Variants in SLC5A12 observed in about 807,000 individuals in gnomAD.
The protein encoded by SLC5A12 is solute carrier family 5 member 12.
SLC5A12 carries 46 observed loss-of-function variants against 72.7 expected under a neutral mutation model. That is an observed-to-expected ratio of 0.63 (90% CI 0.50 to 0.81). The LOEUF (loss-of-function observed/expected upper bound fraction) is 0.81. Ranked by LOEUF, SLC5A12 falls within the 30% of genes least tolerant of loss-of-function variation. The pLI is 0.00. For missense variants in SLC5A12, 683 were observed against 740.7 expected, an observed-to-expected ratio of 0.92 and a Z score of 0.90; for synonymous variants, 275 against 264.4, an observed-to-expected ratio of 1.04 and a Z score of -0.39.
chr11:26,697,322 GA>G (rs1055073163), intron 7 of SLC5A12, 70 bp from the exon 8 acceptor site: 22 of 1,302,842 alleles, frequency 1.7e-5, no homozygotes, highest in East Asian at 4.9e-5. Context: ...AGAAGAGAGA[GA>G]AAAAAATAGG....
rs57129253 is a variant in SLC5A12, at chr11:26,697,272, TA to T, written c.952-21del. On this transcript the variant is annotated intron_variant, in intron 7 of 14. Transcript: ENST00000396005. Reference sequence around the variant, plus strand: ...CATCAGCTGAAGAGGAGGCAAAACATAAAAAAATAAATAAAAAGAAGAAAGA... The same window carrying T: ...CATCAGCTGAAGAGGAGGCAAAACATAAAAAATAAATAAAAAGAAGAAAGA... The T allele has an allele frequency of 8.3e-3, 12,999 of 1,564,764 alleles. 582 individuals carry two copies. The African/African-American group carries it at 0.12, about 14-fold the overall frequency.
At chr11:26,703,393 GTC>G (rs1855005457) in intron 6 of SLC5A12, 136 bp downstream of exon 6, 2 of 909,230 alleles carry the variant, frequency 2.2e-6, no homozygotes, top group South Asian at 3.9e-5. Context: ...AGTTAAGTGA[GTC>G]TCTCTGCCTC....
chr11:26,710,578 T>G (rs1855201234), intron 3 of SLC5A12, among the ~76,000 whole-genome samples: 1 of 152,104 alleles, frequency 6.6e-6, no homozygotes, highest in African/African-American at 2.4e-5. Context: ...GGTTTTGATT[T>G]GCATTTCTCT....
At chr11:26,714,616 A>C (rs1012486272) in intron 1 of SLC5A12, among the ~76,000 whole-genome samples, 1 of 152,150 alleles carries the variant, frequency 6.6e-6, no homozygotes, top group Non-Finnish European at 1.5e-5. Flanking sequence ...TTGAGGATTA[A>C]ATTTCTTGCT....
intron 10 of SLC5A12, among the ~76,000 whole-genome samples, chr11:26,685,533 G>A (rs1189598376): frequency 6.6e-5 from 10 of 151,964 alleles, no homozygotes; most frequent in Non-Finnish European, 5.9e-5. Context: ...GCTTGAACCT[G>A]GGAGGCAGAG....
At chr11:26,715,939 T>C (rs955702474) in intron 1 of SLC5A12, among the ~76,000 whole-genome samples, 6 of 152,184 alleles carry the variant, frequency 3.9e-5, no homozygotes, top group Admixed American at 2.0e-4. Flanking sequence ...ATTGTTAATC[T>C]GCAGAATTGT....
At chr11:26,709,482 A>T in intron 3 of SLC5A12, 103 bp from the exon 4 acceptor site, 1 of 811,490 alleles carries the variant, frequency 1.2e-6, no homozygotes, top group African/African-American at 1.7e-5. Flanking sequence ...TGTTCTTTGT[A>T]GGCAAAAATA....
At chr11:26,700,707 A>G (rs1854938474) in intron 6 of SLC5A12, among the ~76,000 whole-genome samples, 1 of 152,110 alleles carries the variant, frequency 6.6e-6, no homozygotes, top group African/African-American at 2.4e-5. Flanking sequence ...TGAAAGATAA[A>G]CAAGGGATTA....
intron 12 of SLC5A12, among the ~76,000 whole-genome samples, chr11:26,680,223 C>T (rs1259616479): frequency 6.8e-6 from 1 of 148,084 alleles, no homozygotes; most frequent in African/African-American, 2.5e-5. Flanking sequence ...TCTAGACTTG[C>T]TCTTACATAC....
At chr11:26,713,219 T>C (rs1164570813) in intron 1 of SLC5A12, among the ~76,000 whole-genome samples, 1 of 152,098 alleles carries the variant, frequency 6.6e-6, no homozygotes, top group East Asian at 1.9e-4. Flanking sequence ...TTCTCTATCA[T>C]TGACAAACAA....
intron 11 of SLC5A12, among the ~76,000 whole-genome samples, chr11:26,681,534 A>G (rs576042070): frequency 3.3e-5 from 5 of 152,218 alleles, no homozygotes; most frequent in African/African-American, 1.2e-4. Context: ...TGAAACCTCA[A>G]TTCTCATTAG....
Position 26,721,839 on chromosome 11 carries a change from T to C in SLC5A12, c.-125A>G, listed in dbSNP as rs1391084564. ...AGAGACTGTGATTCCCTGAAGAAAA[T>C]GATTACCAGAGGCACTCGTGTGAAT... On this transcript the variant is annotated 5_prime_UTR_variant, in exon 1 of 15. Coordinates refer to ENST00000396005, the MANE Select transcript of SLC5A12 (RefSeq NM_178498.4). The C allele has an allele frequency of 4.8e-6, 4 of 830,300 alleles. No homozygotes were observed. The highest frequency in any genetic ancestry group is 3.4e-5 in the African/African-American group (2 of 58,494). The allele number at this position is 830,300 out of a possible 1,614,324, so 51.4% of individuals were successfully genotyped here. A position where few individuals can be genotyped will look rare whatever the true frequency, so the allele number is the denominator to read the frequency against.
Position 26,671,066 on chromosome 11 carries a change from T to TGTGTG in SLC5A12, c.*35_*36insCACAC. The stretch of plus-strand genomic sequence containing the variant: ...TGGAGTTTGTGTGTGTGTGTGTGTA[T>TGTGTG]TGCACGTGTGTGTGTGCATTCATAC... On this transcript the variant is annotated 3_prime_UTR_variant, in exon 15 of 15. Transcript: ENST00000396005. The TGTGTG allele has an allele frequency of 6.4e-7, 1 of 1,561,600 alleles. No homozygotes were observed. The highest frequency in any genetic ancestry group is 8.7e-7 in the Non-Finnish European group (1 of 1,144,606).
chr11:26,717,426 G>A (rs1436595219), intron 1 of SLC5A12, among the ~76,000 whole-genome samples: 1 of 152,138 alleles, frequency 6.6e-6, no homozygotes, highest in East Asian at 1.9e-4. Context: ...TAACTTTAAA[G>A]TGAAGATAAT....
chr11:26,704,855 G>T (rs1406602254), intron 4 of SLC5A12, among the ~76,000 whole-genome samples: 5 of 151,960 alleles, frequency 3.3e-5, no homozygotes, highest in East Asian at 1.9e-4. Context: ...ATATATTTTG[G>T]GAAACTGAGA....
intron 14 of SLC5A12, among the ~76,000 whole-genome samples, chr11:26,672,780 T>C (rs1854173778): frequency 6.6e-6 from 1 of 152,162 alleles, no homozygotes; most frequent in Non-Finnish European, 1.5e-5. Flanking sequence ...CTGCCTGATC[T>C]AAACACACTT....
intron 1 of SLC5A12, among the ~76,000 whole-genome samples, chr11:26,720,923 C>A (rs1321332235): frequency 6.6e-6 from 1 of 152,136 alleles, no homozygotes; most frequent in East Asian, 1.9e-4. Flanking sequence ...AGTAGAGATA[C>A]AGAAAAAATT....
At position 26,668,347 on chromosome 11, in the gene SLC5A12, G is replaced by A. The variant is rs1401593460; in HGVS notation, c.*2755C>T. On this transcript the variant is annotated 3_prime_UTR_variant, in exon 15 of 15. Coordinates refer to ENST00000396005, the MANE Select transcript of SLC5A12 (RefSeq NM_178498.4). ...TGAGTATCAAGTTTGGAACATTTTAGGCCCCTCTAAAACTCATCATTCCTA... is the reference window on the plus strand; with the variant it reads ...TGAGTATCAAGTTTGGAACATTTTAAGCCCCTCTAAAACTCATCATTCCTA... 6.6e-6 allele frequency: 1 copy of A among 151,946 alleles called. No individual in the cohort carries two copies. Among genetic ancestry groups the A allele is most frequent in the Non-Finnish European group, 1.5e-5 (1 of 67,952 alleles). The allele number at this position is 151,946 out of a possible 1,614,324, so 9.4% of individuals were successfully genotyped here.
chr11:26,723,037 A>AC (rs147050433), upstream of SLC5A12, among the ~76,000 whole-genome samples: 6,305 of 151,970 alleles, frequency 0.041, 339 homozygotes, highest in African/African-American at 0.12. Flanking sequence ...TGTTCAAATG[A>AC]CATTTCCTTG....
Sources: allele counts gnomAD v4.1 joint callset (sites outside exome capture counted in the v4.1 genomes callset), GRCh38; gene constraint gnomAD v4.1.1; transcripts MANE v1.5; gene names NCBI Gene and HGNC (gene_info 2026-07-23, HGNC 2026-07-21).